The following C2orf76 variants were observed in gnomAD, a reference collection of about 807,000 sequenced individuals.
C2orf76 encodes the protein UPF0538 protein C2orf76.
A neutral mutation model predicts 16.9 loss-of-function variants in C2orf76; 23 were observed. The observed-to-expected ratio is 1.36, with a 90% confidence interval of 0.98 to 1.93. The LOEUF is 1.93. C2orf76 is among the 30% of genes most tolerant of loss of function. The probability of loss-of-function intolerance (pLI) is 0.00; values close to 1 mark genes in which losing one functional copy is unlikely to be tolerated. For synonymous variants in C2orf76, 48 were observed against 52.3 expected (o/e 0.92, Z 0.35); for missense variants, 152 against 152.6 (o/e 1.00, Z 0.02).
intron 2 of C2orf76, among the ~76,000 whole-genome samples, chr2:119,332,903 T>C (rs544300185): frequency 6.6e-6 from 1 of 152,298 alleles, no homozygotes; most frequent in South Asian, 2.1e-4. Flanking sequence ...CCAATGTTTT[T>C]ACATTTTTAG....
intron 1 of C2orf76, among the ~76,000 whole-genome samples, chr2:119,358,598 G>C (rs1337986094): frequency 7.3e-6 from 1 of 137,486 alleles, no homozygotes; most frequent in African/African-American, 2.6e-5. Flanking sequence ...AAAAAAAAAA[G>C]GCAAAACAGC....
At chr2:119,364,104 A>T (rs890932823) in intron 1 of C2orf76, among the ~76,000 whole-genome samples, 3 of 152,008 alleles carry the variant, frequency 2.0e-5, no homozygotes, top group African/African-American at 7.2e-5. Context: ...GGTAGGGCAG[A>T]GAGAGAGGGA....
chr2:119,319,623 C>T (rs972180668), intron 3 of C2orf76, among the ~76,000 whole-genome samples: 3 of 151,940 alleles, frequency 2.0e-5, no homozygotes, highest in African/African-American at 4.8e-5. Context: ...CATGTCTAGG[C>T]GATAGGGATT....
chr2:119,366,686 C>T (rs1681018069), intron 1 of C2orf76, 104 bp downstream of exon 1: 1 of 477,192 alleles, frequency 2.1e-6, no homozygotes, highest in South Asian at 2.0e-5. Context: ...TCTCCGTCCC[C>T]TCCCCTTCCC....
At chr2:119,285,272 A>G in the C2orf76 span, among the ~76,000 whole-genome samples, 2 of 152,266 alleles carry the variant, frequency 1.3e-5, no homozygotes, top group Non-Finnish European at 2.9e-5. Flanking sequence ...ATAGTGCGAT[A>G]GTCTCGGCAC....
intron 1 of C2orf76, among the ~76,000 whole-genome samples, chr2:119,355,859 A>G (rs1272714641): frequency 6.6e-6 from 1 of 152,182 alleles, no homozygotes; most frequent in Non-Finnish European, 1.5e-5. Flanking sequence ...CATTTATAGA[A>G]CACCCCACTA....
the C2orf76 span, among the ~76,000 whole-genome samples, chr2:119,293,427 T>C: frequency 1.3e-5 from 2 of 152,176 alleles, no homozygotes; most frequent in African/African-American, 2.4e-5. Context: ...GTGCATATGT[T>C]TGGTGTGCAC....
intron 2 of C2orf76, among the ~76,000 whole-genome samples, chr2:119,329,811 CGTT>C (rs1179987894): frequency 6.6e-6 from 1 of 151,840 alleles, no homozygotes; most frequent in Non-Finnish European, 1.5e-5. Flanking sequence ...ACCCACAATA[CGTT>C]GTTGTTGTGT....
At chr2:119,362,365 C>G (rs1680771477) in intron 1 of C2orf76, among the ~76,000 whole-genome samples, 1 of 152,162 alleles carries the variant, frequency 6.6e-6, no homozygotes, top group African/African-American at 2.4e-5. Flanking sequence ...GTGCCCCTAA[C>G]CCCTGTGTTG....
intron 2 of C2orf76, among the ~76,000 whole-genome samples, chr2:119,325,527 G>A (rs903622238): frequency 6.6e-6 from 1 of 151,442 alleles, no homozygotes; most frequent in Non-Finnish European, 1.5e-5. Context: ...GCTGAAGCAG[G>A]AGAATCACTT....
downstream of C2orf76, among the ~76,000 whole-genome samples, chr2:119,297,644 C>T (rs1678560365): frequency 6.6e-6 from 1 of 152,092 alleles, no homozygotes; most frequent in African/African-American, 2.4e-5. Flanking sequence ...GTAGCTGGGG[C>T]TACAGGCATG....
chr2:119,344,095 T>A (rs72829501), intron 1 of C2orf76, among the ~76,000 whole-genome samples: 2,858 of 152,348 alleles, frequency 0.019, 36 homozygotes, highest in South Asian at 0.054. Flanking sequence ...ATAGTTGAAC[T>A]TTTCCATTTA....
In C2orf76 at chr2:119,338,422, C is replaced by T. The variant is rs1014602776; in HGVS notation, c.133+1405G>A. On this transcript the variant is annotated intron_variant, in intron 2 of 5. Coordinates refer to ENST00000334816, the MANE Select transcript of C2orf76 (RefSeq NM_001322331.2). ...TAACTAGCCTTAGTATTCAGTTTCC[C>T]ACAAGTTGTCACCCTGAGAGATTTA... Among the ~76,000 whole-genome samples, 5 of 152,302 alleles carry T rather than the reference C, an allele frequency of 3.3e-5. No individual in the cohort carries two copies. The East Asian group carries it at 9.7e-4, about 29-fold the overall frequency.
At chr2:119,290,595 G>A in the C2orf76 span, among the ~76,000 whole-genome samples, 83 of 152,102 alleles carry the variant, frequency 5.5e-4, no homozygotes, top group African/African-American at 2.0e-3. Context: ...TTTGGGAGGC[G>A]AAGGCGGGTG....
chr2:119,291,782 G>A, the C2orf76 span, among the ~76,000 whole-genome samples: 1 of 152,068 alleles, frequency 6.6e-6, no homozygotes, highest in African/African-American at 2.4e-5. Context: ...TCTGCGCGAT[G>A]GGATTAGTAG....
At chr2:119,331,021 T>C (rs1402668424) in intron 2 of C2orf76, among the ~76,000 whole-genome samples, 5 of 152,200 alleles carry the variant, frequency 3.3e-5, no homozygotes, top group Non-Finnish European at 7.4e-5. Flanking sequence ...TTGGTTTCAA[T>C]AGACTGATTT....
chr2:119,348,731 A>C (rs1680288143), intron 1 of C2orf76, among the ~76,000 whole-genome samples: 1 of 151,852 alleles, frequency 6.6e-6, no homozygotes, highest in Non-Finnish European at 1.5e-5. Flanking sequence ...GCCGTGGCTC[A>C]CACTTGTAAT....
chr2:119,292,219 C>A, the C2orf76 span, among the ~76,000 whole-genome samples: 3 of 152,136 alleles, frequency 2.0e-5, no homozygotes, highest in Admixed American at 2.0e-4. Flanking sequence ...GAAAAAAATT[C>A]TGCCTTAATT....
chr2:119,289,635 G>A, the C2orf76 span, among the ~76,000 whole-genome samples: 3 of 151,432 alleles, frequency 2.0e-5, no homozygotes, highest in East Asian at 1.9e-4. Context: ...GCAGTGAGCC[G>A]AGATCGTACC....
Sources: allele counts gnomAD v4.1 joint callset (sites outside exome capture counted in the v4.1 genomes callset), GRCh38; gene constraint gnomAD v4.1.1; transcripts MANE v1.5; gene names NCBI Gene and HGNC (gene_info 2026-07-23, HGNC 2026-07-21).